Variants in DGKB observed in about 807,000 individuals in gnomAD.
DGKB encodes diacylglycerol kinase beta.
A neutral mutation model predicts 114.3 loss-of-function variants in DGKB; 67 were observed. That is an observed-to-expected ratio of 0.59 (90% CI 0.48 to 0.72). The LOEUF is 0.72. DGKB is among the 30% of genes least tolerant of loss of function. DGKB has a pLI of 0.00. For synonymous variants in DGKB, 398 were observed against 323.1 expected (o/e 1.23, Z -2.49); for missense variants, 907 against 975.2 (o/e 0.93, Z 0.93).
chr7:14,282,792 GC>G (rs1800188546), intron 23 of DGKB, among the ~76,000 whole-genome samples: 1 of 152,058 alleles, frequency 6.6e-6, no homozygotes, highest in South Asian at 2.1e-4. Flanking sequence ...TGCAGAAAAG[GC>G]CTTTGACAAA....
chr7:14,834,735 G>A (rs1025582155), intron 2 of DGKB, among the ~76,000 whole-genome samples: 1 of 152,146 alleles, frequency 6.6e-6, no homozygotes, highest in African/African-American at 2.4e-5. Context: ...GACATGGCAT[G>A]ATTTGGCTCA....
intron 13 of DGKB, among the ~76,000 whole-genome samples, chr7:14,643,007 C>G (rs542343639): frequency 6.6e-6 from 1 of 152,110 alleles, no homozygotes; most frequent in Non-Finnish European, 1.5e-5. Flanking sequence ...ACTAGAGGAA[C>G]CTAGCACTCA....
At chr7:14,549,727 G>A (rs530216961) in intron 20 of DGKB, among the ~76,000 whole-genome samples, 2 of 152,242 alleles carry the variant, frequency 1.3e-5, no homozygotes, top group East Asian at 1.9e-4. Flanking sequence ...GGTGGCTCAC[G>A]CCTGTAATCC....
chr7:14,274,321 A>G (rs1798687258), intron 23 of DGKB, among the ~76,000 whole-genome samples: 1 of 152,130 alleles, frequency 6.6e-6, no homozygotes, highest in South Asian at 2.1e-4. Context: ...TCTCTCGGCA[A>G]CGACTAATCC....
chr7:14,384,066 T>G (rs1819925824), intron 21 of DGKB, among the ~76,000 whole-genome samples: 1 of 152,200 alleles, frequency 6.6e-6, no homozygotes, highest in African/African-American at 2.4e-5. Context: ...AACAACCCAC[T>G]TAGTCATTCC....
chr7:14,399,466 T>G (rs949640469), intron 21 of DGKB, among the ~76,000 whole-genome samples: 5 of 151,634 alleles, frequency 3.3e-5, no homozygotes, highest in African/African-American at 1.2e-4. Flanking sequence ...AAATTATATT[T>G]TATTAATAAC....
At chr7:14,677,622 C>T (rs962914802) in intron 12 of DGKB, among the ~76,000 whole-genome samples, 1 of 152,016 alleles carries the variant, frequency 6.6e-6, no homozygotes, top group Non-Finnish European at 1.5e-5. Context: ...TCCTGCCTGA[C>T]CAGTGAGAGC....
chr7:14,151,207 TC>T (rs1280793461), intron 25 of DGKB, among the ~76,000 whole-genome samples: 1 of 152,084 alleles, frequency 6.6e-6, no homozygotes, highest in African/African-American at 2.4e-5. Flanking sequence ...GTTCATAATT[TC>T]TGGACTAAAT....
At chr7:14,549,056 A>T (rs1353132825) in intron 20 of DGKB, among the ~76,000 whole-genome samples, 1 of 152,088 alleles carries the variant, frequency 6.6e-6, no homozygotes, top group Non-Finnish European at 1.5e-5. Flanking sequence ...GGTGATCATC[A>T]GCAATTAAAG....
rs749817025 is a variant in DGKB, at chr7:14,183,874, A to G, written c.2123-5723T>C. 4.1e-4 allele frequency among the ~76,000 whole-genome samples: 62 copies of G among 152,330 alleles called. 1 individual carries two copies. Among genetic ancestry groups the G allele is most frequent in the Admixed American group, 1.8e-3 (27 of 15,310 alleles). On this transcript the variant is annotated intron_variant, in intron 23 of 25. Coordinates refer to ENST00000402815, the MANE Select transcript of DGKB (RefSeq NM_001350709.2). ...GTAAATTTTAGCTCAATAGATTGCA[A>G]GAACAAACCAGCAATCTCGAGAGGA...
chr7:14,629,852 T>C (rs1809359093), intron 14 of DGKB, among the ~76,000 whole-genome samples: 1 of 152,136 alleles, frequency 6.6e-6, no homozygotes, highest in Non-Finnish European at 1.5e-5. Flanking sequence ...TTGAAACTTA[T>C]ATTTTGATGG....
chr7:14,291,384 T>C (rs549199921), intron 23 of DGKB, among the ~76,000 whole-genome samples: 2 of 152,258 alleles, frequency 1.3e-5, no homozygotes, highest in South Asian at 2.1e-4. Context: ...GATTTCTTCA[T>C]TTTTGACCCA....
At chr7:14,473,945 C>T (rs959949993) in intron 21 of DGKB, among the ~76,000 whole-genome samples, 10 of 152,166 alleles carry the variant, frequency 6.6e-5, no homozygotes, top group African/African-American at 2.2e-4. Flanking sequence ...ATTTTGTAGG[C>T]TCATAGGCAA....
chr7:14,589,321 T>C (rs1563606804), intron 17 of DGKB, among the ~76,000 whole-genome samples: 1 of 151,992 alleles, frequency 6.6e-6, no homozygotes, highest in Non-Finnish European at 1.5e-5. Context: ...TATGTAATTG[T>C]GGCATTTGCT....
At chr7:14,673,595 A>G (rs1819361717) in intron 12 of DGKB, among the ~76,000 whole-genome samples, 1 of 152,034 alleles carries the variant, frequency 6.6e-6, no homozygotes, top group African/African-American at 2.4e-5. Flanking sequence ...TTATCTGTAT[A>G]TTGTATTTAT....
At chr7:14,797,114 T>G (rs1841517105) in intron 2 of DGKB, among the ~76,000 whole-genome samples, 1 of 152,158 alleles carries the variant, frequency 6.6e-6, no homozygotes, top group African/African-American at 2.4e-5. Flanking sequence ...TGTTTTTACT[T>G]TTTACTTTTT....
chr7:14,491,898 G>T (rs888008864), intron 20 of DGKB, among the ~76,000 whole-genome samples: 1 of 151,858 alleles, frequency 6.6e-6, no homozygotes, highest in Non-Finnish European at 1.5e-5. Context: ...TATCTAACTT[G>T]TTAGAAAAAT....
chr7:14,435,900 T>C (rs995703738), intron 21 of DGKB, among the ~76,000 whole-genome samples: 3 of 152,150 alleles, frequency 2.0e-5, no homozygotes, highest in Non-Finnish European at 4.4e-5. Flanking sequence ...GCACCTATTA[T>C]TGTAATATTC....
chr7:14,572,112 A>T (rs183923506), intron 20 of DGKB, among the ~76,000 whole-genome samples: 8 of 152,248 alleles, frequency 5.3e-5, no homozygotes, highest in Admixed American at 5.2e-4. Context: ...ATACTTCCAA[A>T]CAGATATTAT....
Sources: allele counts gnomAD v4.1 joint callset (sites outside exome capture counted in the v4.1 genomes callset), GRCh38; gene constraint gnomAD v4.1.1; transcripts MANE v1.5; gene names NCBI Gene and HGNC (gene_info 2026-07-23, HGNC 2026-07-21).